TBXAS1: variants seen among roughly 807,000 people sequenced by gnomAD.
The protein encoded by TBXAS1 is thromboxane-A synthase.
In TBXAS1, 48 loss-of-function variants were observed where a neutral mutation model predicts 60.7. The observed-to-expected ratio is 0.79, with a 90% CI of 0.63 to 1.01. TBXAS1 has a LOEUF of 1.01. TBXAS1 is among the 50% of genes least tolerant of loss of function. TBXAS1 has a pLI of 0.00. For synonymous variants in TBXAS1, 287 were observed against 269.7 expected (o/e 1.06, Z -0.63); for missense variants, 685 against 686.3 (o/e 1.00, Z 0.02).
intron 9 of TBXAS1, among the ~76,000 whole-genome samples, chr7:139,984,945 G>C (rs199958921): frequency 3.2e-5 from 2 of 61,860 alleles, no homozygotes; most frequent in Non-Finnish European, 5.8e-5. Flanking sequence ...AGAAAGAAAA[G>C]AAAAGAAAGA....
chr7:140,010,262 G>C (rs1329130031), intron 10 of TBXAS1, among the ~76,000 whole-genome samples: 3 of 152,126 alleles, frequency 2.0e-5, no homozygotes, highest in Admixed American at 2.0e-4. Context: ...GTGAATGTAG[G>C]GAGAGTGAGC....
rs1211870904 is a variant in TBXAS1, at chr7:139,783,315, G to A, written c.-169+586G>A. 4.7e-5 allele frequency among the ~76,000 whole-genome samples: 7 copies of A among 148,074 alleles called. No individual in the cohort carries two copies. The East Asian group carries it at 1.2e-3, about 25-fold the overall frequency. On this transcript the variant is annotated intron_variant, in intron 3 of 16. Transcript: ENST00000336425. Reference sequence around the variant, plus strand: ...AACAGGGGTGCAGGAAAAGCAAAGCGATGCCATAAGAGCATTGAGCAGAAA... The same window carrying A: ...AACAGGGGTGCAGGAAAAGCAAAGCAATGCCATAAGAGCATTGAGCAGAAA...
At chr7:139,845,945 C>T (rs963131411) in intron 1 of TBXAS1, among the ~76,000 whole-genome samples, 1 of 151,784 alleles carries the variant, frequency 6.6e-6, no homozygotes, top group African/African-American at 2.4e-5. Flanking sequence ...CCACCCCAGC[C>T]CCATGAGTAG....
chr7:139,948,058 T>C (rs1222721722), intron 5 of TBXAS1, among the ~76,000 whole-genome samples: 1 of 151,976 alleles, frequency 6.6e-6, no homozygotes. Flanking sequence ...AGAGAGGGGG[T>C]TTCACCATGT....
chr7:139,928,849 C>CT (rs1306357926), intron 4 of TBXAS1, among the ~76,000 whole-genome samples: 2 of 152,118 alleles, frequency 1.3e-5, no homozygotes, highest in Non-Finnish European at 2.9e-5. Flanking sequence ...TTTAAAAAAT[C>CT]TTTTTTAAAT....
intron 6 of TBXAS1, among the ~76,000 whole-genome samples, chr7:139,954,549 T>TG (rs1719179995): frequency 6.6e-6 from 1 of 152,244 alleles, no homozygotes; most frequent in Non-Finnish European, 1.5e-5. Context: ...GATAAGTTAG[T>TG]GGTTATAGAA....
At chr7:139,857,420 G>A (rs942040920) in intron 1 of TBXAS1, among the ~76,000 whole-genome samples, 1 of 151,936 alleles carries the variant, frequency 6.6e-6, no homozygotes, top group Non-Finnish European at 1.5e-5. Context: ...TATGTCATTG[G>A]TTTTTCTGGT....
intron 3 of TBXAS1, among the ~76,000 whole-genome samples, chr7:139,879,832 TTGTGTG>T (rs57176056): frequency 0.014 from 1,986 of 140,488 alleles, 23 homozygotes; most frequent in Middle Eastern, 0.022. Flanking sequence ...TTATCTCATT[TTGTGTG>T]TGTGTGTGTG....
chr7:139,987,690 CCCG>C (rs1398395218), intron 9 of TBXAS1, among the ~76,000 whole-genome samples: 1 of 152,230 alleles, frequency 6.6e-6, no homozygotes, highest in African/African-American at 2.4e-5. Context: ...ATGGAACCCT[CCCG>C]CCAAGACTAC....
At chr7:139,947,556 A>C (rs1808833584) in intron 5 of TBXAS1, among the ~76,000 whole-genome samples, 1 of 152,232 alleles carries the variant, frequency 6.6e-6, no homozygotes, top group African/African-American at 2.4e-5. Flanking sequence ...CCAAAACTTA[A>C]AATAAAATAA....
rs373560381 is a variant in TBXAS1 at position 139,850,364 on chromosome 7, AAAAC to A, written c.89+20889_89+20892del. On this transcript the variant is annotated intron_variant, in intron 1 of 12. Transcript: ENST00000448866. The stretch of plus-strand genomic sequence containing the variant: ...CAATAAGTAGCAAAAACAAAATAGA[AAAAC>A]AAAGCACAACATGAAAAAAGAAGTT... Among the ~76,000 whole-genome samples, 393 of 152,370 alleles carry A rather than the reference AAAAC, an allele frequency of 2.6e-3. 2 individuals carry two copies. The highest frequency in any genetic ancestry group is 8.7e-3 in the African/African-American group (361 of 41,586).
At chr7:139,951,952 AAG>A (rs1491054750) in intron 5 of TBXAS1, among the ~76,000 whole-genome samples, 4 of 66,188 alleles carry the variant, frequency 6.0e-5, no homozygotes, top group Admixed American at 2.0e-4. Flanking sequence ...AAAGAAAGAA[AAG>A]AAAGAAAGAA....
upstream of TBXAS1, among the ~76,000 whole-genome samples, chr7:139,824,620 A>G (rs1798386762): frequency 6.6e-6 from 1 of 152,182 alleles, no homozygotes. Flanking sequence ...AATAAGTGAG[A>G]AAGACCAGTT....
At chr7:139,923,259 G>A (rs547105996) in intron 4 of TBXAS1, among the ~76,000 whole-genome samples, 9 of 152,124 alleles carry the variant, frequency 5.9e-5, no homozygotes, top group East Asian at 3.9e-4. Context: ...CCCAGGAGGC[G>A]TAGGTTGTAG....
In TBXAS1 at chr7:139,955,445, C is replaced by T. The variant is rs374964518; in HGVS notation, c.540-14C>T. The T allele has an allele frequency of 3.1e-5, 50 of 1,614,020 alleles. No individual in the cohort carries two copies. Among genetic ancestry groups the T allele is most frequent in the Non-Finnish European group, 4.0e-5 (47 of 1,180,024 alleles). The stretch of plus-strand genomic sequence containing the variant: ...CAGAGTCCTTTCAGATCTCTGTGCT[C>T]CCATCTCCCGTAGGTGCTACTGCAA... On this transcript the variant is annotated splice_polypyrimidine_tract_variant and intron_variant, in intron 6 of 12. Coordinates refer to ENST00000448866, the MANE Select transcript of TBXAS1 (RefSeq NM_001061.7).
chr7:139,885,878 T>C (rs1312442905), intron 3 of TBXAS1, among the ~76,000 whole-genome samples: 1 of 152,224 alleles, frequency 6.6e-6, no homozygotes, highest in Non-Finnish European at 1.5e-5. Context: ...GATACTAGTG[T>C]GAACTTTCAA....
chr7:139,965,038 G>GTTGTCATCTCTAC (rs1810673199), intron 9 of TBXAS1, among the ~76,000 whole-genome samples: 1 of 152,210 alleles, frequency 6.6e-6, no homozygotes, highest in Admixed American at 6.5e-5. Flanking sequence ...GACCAACACA[G>GTTGTCATCTCTAC]TAAAACTCCA....
At chr7:139,966,541 G>T (rs1810803002) in intron 9 of TBXAS1, among the ~76,000 whole-genome samples, 2 of 152,190 alleles carry the variant, frequency 1.3e-5, no homozygotes, top group Non-Finnish European at 2.9e-5. Context: ...TTCCCTAGGG[G>T]TCTCAAGCCA....
intron 1 of TBXAS1, among the ~76,000 whole-genome samples, chr7:139,859,226 G>T (rs1414950324): frequency 2.1e-5 from 3 of 139,582 alleles, no homozygotes; most frequent in Non-Finnish European, 4.6e-5. Context: ...TTTTGAGACG[G>T]AGTCTCACTC....
Sources: gnomAD v4.1 joint callset for allele counts (sites outside exome capture counted in the v4.1 genomes callset) on GRCh38, gnomAD v4.1.1 for gene constraint, MANE v1.5 for transcripts, NCBI Gene and HGNC (gene_info 2026-07-23, HGNC 2026-07-21) for gene names.